Variants in ATP11A observed in about 807,000 individuals in gnomAD.
ATP11A encodes ATPase phospholipid transporting 11A, also known as phospholipid-transporting ATPase IH.
ATP11A carries 81 observed loss-of-function variants against 154.4 expected under a neutral mutation model. The observed-to-expected ratio is 0.52, with a 90% confidence interval of 0.44 to 0.63. The LOEUF (loss-of-function observed/expected upper bound fraction) is 0.63, where lower values mean the gene tolerates loss of function less well. ATP11A is among the 30% of genes least tolerant of loss of function. The pLI, the probability that ATP11A is intolerant of heterozygous loss-of-function variation, is 0.00. For synonymous variants in ATP11A, 623 were observed against 585.9 expected, an observed-to-expected ratio of 1.06 and a Z score of -0.91; for missense variants, 1,316 against 1,474.3, an observed-to-expected ratio of 0.89 and a Z score of 1.76.
chr13:112,824,426 G>A lies in ATP11A; in HGVS notation c.872+1G>A, dbSNP rs1334779057. 1.2e-6 allele frequency: 2 copies of A among 1,613,916 alleles called. No homozygotes were observed. Among genetic ancestry groups the A allele is most frequent in the Admixed American group, 1.7e-5 (1 of 60,002 alleles). ...CTCAGAAGCGATCTGCCGTGGAAAA[G>A]TAAGGCTGGATGCGCGTGAGAACCT... On this transcript the variant is annotated splice_donor_variant, in intron 10 of 29. Coordinates refer to ENST00000375645, the MANE Select transcript of ATP11A (RefSeq NM_015205.3). LOFTEE classifies it high-confidence loss of function.
chr13:112,855,867 G>T (rs1364159416), intron 19 of ATP11A, 44 bp from the exon 20 acceptor site: 2 of 1,538,904 alleles, frequency 1.3e-6, no homozygotes, highest in Non-Finnish European at 1.8e-6. Context: ...AAAATCTATA[G>T]ATTTAGTGAT....
chr13:112,871,932 T>A, intron 26 of ATP11A, 132 bp downstream of exon 26: 5 of 1,027,186 alleles, frequency 4.9e-6, no homozygotes, highest in Non-Finnish European at 7.4e-6. Context: ...CAGCCTTGGC[T>A]GGCTCCTGGG....
intron 1 of ATP11A, among the ~76,000 whole-genome samples, chr13:112,712,254 G>T (rs540402691): frequency 2.6e-5 from 4 of 152,166 alleles, no homozygotes; most frequent in Non-Finnish European, 4.4e-5. Context: ...TGGTGCCCAC[G>T]GGGGAAGAGC....
chr13:112,832,490 C>T (rs1297922410), intron 13 of ATP11A, among the ~76,000 whole-genome samples: 1 of 152,218 alleles, frequency 6.6e-6, no homozygotes, highest in Non-Finnish European at 1.5e-5. Flanking sequence ...GAGGCACAGC[C>T]AGGGTCCAGG....
Position 112,785,246 on chromosome 13 carries a change from G to T in ATP11A, c.151G>T (p.Val51Phe), listed in dbSNP as rs777953338. 6.5e-7 allele frequency: 1 copy of T among 1,527,596 alleles called. No homozygotes were observed. The highest frequency in any genetic ancestry group is 2.2e-5 in the Admixed American group (1 of 46,104). 94.6% of individuals were successfully genotyped at this position (1,527,596 alleles called of 1,614,324 possible). The change falls in exon 2 of 30, where the codon GTC (valine) becomes TTC (phenylalanine). Residue 51 changes from valine (V) to phenylalanine (F), a missense_variant. This residue lies in a region of ATP11A where 123 missense variants were observed against 113.7 expected (regional missense o/e 1.08). Coordinates refer to ENST00000375645, the MANE Select transcript of ATP11A (RefSeq NM_015205.3). The surrounding 1 kb of genome is among the most constrained non-coding windows in gnomAD (Gnocchi z 4.8). ...ACAGAGATACCCAGACAACAGGATC[G>T]TCTCGTCCAAGGTAACTTGGCTTGG... The part of the protein sequence containing the change: ...IPQRYPDNRI[V>F]SSKYTFWNFI...
chr13:112,756,865 G>GCGCGGGGCCTGCTCC (rs1209031729), intron 1 of ATP11A, among the ~76,000 whole-genome samples: 8 of 150,696 alleles, frequency 5.3e-5, no homozygotes, highest in African/African-American at 2.0e-4. Flanking sequence ...TCTGCTCCCA[G>GCGCGGGGCCTGCTCC]CACGTGGTCT....
At chr13:112,796,479 A>C (rs1284304470) in intron 2 of ATP11A, among the ~76,000 whole-genome samples, 1 of 152,214 alleles carries the variant, frequency 6.6e-6, no homozygotes, top group Non-Finnish European at 1.5e-5. Context: ...CTGGCTTCAG[A>C]GGTTGAAGGG....
At chr13:112,873,988 G>A (rs997353680) in intron 27 of ATP11A, among the ~76,000 whole-genome samples, 9 of 152,218 alleles carry the variant, frequency 5.9e-5, no homozygotes, top group African/African-American at 2.2e-4. Flanking sequence ...AAGGCCAGAG[G>A]TGACTTTTCA....
chr13:112,798,793 A>G (rs118055743), intron 2 of ATP11A, among the ~76,000 whole-genome samples: 304 of 152,412 alleles, frequency 2.0e-3, no homozygotes, highest in African/African-American at 6.1e-3. Flanking sequence ...AATAAAAGTC[A>G]GTTACAAATA....
chr13:112,802,662 A>G (rs1434395597), intron 2 of ATP11A, among the ~76,000 whole-genome samples: 1 of 152,160 alleles, frequency 6.6e-6, no homozygotes, highest in Non-Finnish European at 1.5e-5. Flanking sequence ...AAAATGTATA[A>G]TAATGAAACT....
chr13:112,781,492 C>T (rs2077497556), intron 1 of ATP11A, among the ~76,000 whole-genome samples: 1 of 152,106 alleles, frequency 6.6e-6, no homozygotes, highest in Admixed American at 6.5e-5. Flanking sequence ...CTGGGAGGAC[C>T]ACGAAGGTTG....
chr13:112,751,717 A>G (rs543993864), intron 1 of ATP11A, among the ~76,000 whole-genome samples: 33 of 147,468 alleles, frequency 2.2e-4, no homozygotes, highest in Non-Finnish European at 4.9e-4. Flanking sequence ...ACTGATATGC[A>G]TACTGCAGAT....
intron 1 of ATP11A, among the ~76,000 whole-genome samples, chr13:112,757,451 G>A (rs1042599000): frequency 1.3e-5 from 2 of 152,232 alleles, no homozygotes; most frequent in Non-Finnish European, 2.9e-5. Context: ...AGGTATTTGC[G>A]AAAACTACAA....
chr13:112,803,818 C>CT (rs2078213830), intron 2 of ATP11A, among the ~76,000 whole-genome samples: 1 of 85,062 alleles, frequency 1.2e-5, no homozygotes, highest in Non-Finnish European at 2.5e-5. Context: ...TCCCCTCCTT[C>CT]CTCTCCTTCC....
chr13:112,866,101 A>T (rs1415442990), intron 25 of ATP11A, among the ~76,000 whole-genome samples: 3 of 151,982 alleles, frequency 2.0e-5, no homozygotes, highest in Admixed American at 6.6e-5. Context: ...TTTTATTTGT[A>T]TCTTGCTTTT....
At chr13:112,869,899 C>T (rs932864617) in intron 25 of ATP11A, among the ~76,000 whole-genome samples, 1 of 152,244 alleles carries the variant, frequency 6.6e-6, no homozygotes, top group African/African-American at 2.4e-5. Flanking sequence ...ACAGGCTTCT[C>T]ACCCGGGCTC....
intron 29 of ATP11A, chr13:112,881,337 G>A: frequency 1.1e-5 from 11 of 1,011,890 alleles, no homozygotes; most frequent in Non-Finnish European, 1.3e-5. Flanking sequence ...ATGTCAAGGG[G>A]ATGCAAGCTG....
chr13:112,810,542 C>A, intron 4 of ATP11A, 77 bp from the exon 5 acceptor site: 1 of 1,225,184 alleles, frequency 8.2e-7, no homozygotes. Flanking sequence ...AAACACAAGC[C>A]TTCTGTCTCT....
intron 1 of ATP11A, among the ~76,000 whole-genome samples, chr13:112,761,919 G>A (rs992777012): frequency 3.3e-5 from 5 of 152,176 alleles, no homozygotes; most frequent in Admixed American, 2.6e-4. Flanking sequence ...CCTCCCCAGG[G>A]ACATTTTGGC....
Sources: allele counts gnomAD v4.1 joint callset (sites outside exome capture counted in the v4.1 genomes callset), GRCh38; gene constraint gnomAD v4.1.1; regional missense constraint gnomAD v4.1.1; non-coding constraint Gnocchi (gnomAD v3.1); transcripts MANE v1.5; gene names NCBI Gene and HGNC (gene_info 2026-07-23, HGNC 2026-07-21).